The following CHI3L2 variants were observed in gnomAD, a reference collection of about 807,000 sequenced individuals.
CHI3L2 encodes chitinase-3-like protein 2.
In CHI3L2, 47 loss-of-function variants were observed where a neutral mutation model predicts 47.3. The ratio of observed to expected loss-of-function variants is 0.99; its 90% confidence interval spans 0.79 to 1.27. The LOEUF is 1.27. CHI3L2 is among the 50% of genes most tolerant of loss of function. CHI3L2 has a pLI of 0.00. For synonymous variants in CHI3L2, 198 were observed against 169.9 expected (o/e 1.17, Z -1.28); for missense variants, 497 against 462.1 (o/e 1.08, Z -0.69).
intron 7 of CHI3L2, 57 bp from the exon 8 acceptor site, chr1:111,238,693 A>T: frequency 6.4e-7 from 1 of 1,572,730 alleles, no homozygotes; most frequent in East Asian, 2.2e-5. Flanking sequence ...AGGCTAAAAA[A>T]GGTCTGACAC....
intron 7 of CHI3L2, among the ~76,000 whole-genome samples, chr1:111,238,091 A>C (rs1659935013): frequency 6.6e-6 from 1 of 152,196 alleles, no homozygotes; most frequent in African/African-American, 2.4e-5. Flanking sequence ...TATGACCTGG[A>C]AGCTGCAGCT....
chr1:111,237,614 G>C (rs1005115170), intron 7 of CHI3L2, among the ~76,000 whole-genome samples: 1 of 152,142 alleles, frequency 6.6e-6, no homozygotes, highest in African/African-American at 2.4e-5. Flanking sequence ...TTATCTTTAA[G>C]GATAAGGAGA....
intron 10 of CHI3L2, chr1:111,242,718 C>G: frequency 5.7e-6 from 1 of 176,688 alleles, no homozygotes; most frequent in Non-Finnish European, 1.2e-5. Context: ...AAATCTGACT[C>G]TATGTCCTCA....
chr1:111,241,060 G>C (rs1351924815), intron 8 of CHI3L2, among the ~76,000 whole-genome samples: 2 of 152,182 alleles, frequency 1.3e-5, no homozygotes, highest in Non-Finnish European at 2.9e-5. Context: ...GGTCGGTGCT[G>C]GGGTCTGATC....
Position 111,235,038 on chromosome 1 carries a change from A to G in CHI3L2, c.461A>G (p.His154Arg). 1 of 1,614,006 alleles carries G rather than the reference A, an allele frequency of 6.2e-7. No homozygotes were observed. Among genetic ancestry groups the G allele is most frequent in the Non-Finnish European group, 8.5e-7 (1 of 1,180,020 alleles). Residue 154 changes from histidine (H) to arginine (R), a missense_variant, in exon 5 of 11, where the codon CAT becomes CGT. Coordinates refer to ENST00000369748, the MANE Select transcript of CHI3L2 (RefSeq NM_004000.3). ...WIYPDQKENT[H>R]FTVLIHELAE... ...TACCCAGATCAGAAAGAAAACACTC[A>G]TTTCACTGTGCTGATTCATGTAAGT...
chr1:111,235,575 C>A, intron 5 of CHI3L2, 64 bp from the exon 6 acceptor site: 1 of 1,535,606 alleles, frequency 6.5e-7, no homozygotes, highest in South Asian at 1.3e-5. Flanking sequence ...AGATTCCAGG[C>A]AAGAAGCTTA....
chr1:111,242,115 A>G, intron 9 of CHI3L2, 112 bp from the exon 10 acceptor site: 2 of 1,371,286 alleles, frequency 1.5e-6, no homozygotes, highest in South Asian at 2.5e-5. Flanking sequence ...CCAGAAAACC[A>G]GTTAGTCTAC....
intron 7 of CHI3L2, among the ~76,000 whole-genome samples, chr1:111,237,599 A>G (rs945574631): frequency 1.3e-5 from 2 of 152,032 alleles, no homozygotes; most frequent in African/African-American, 2.4e-5. Flanking sequence ...CTTCCTCTCT[A>G]TCAGTTATCT....
At chr1:111,241,516 T>C (rs942694) in intron 9 of CHI3L2, 73 bp downstream of exon 9, 224,780 of 794,358 alleles carry the variant, frequency 0.28, 34,627 homozygotes, top group Non-Finnish European at 0.33. Context: ...GAATACTCTA[T>C]GTTCAAAGAG....
chr1:111,231,277 C>G lies in CHI3L2; in HGVS notation c.312C>G (p.Tyr104Ter). The change falls in exon 4 of 11, where the codon TAC becomes TAG. Residue 104 changes from tyrosine (Y) to a stop codon, truncating the protein, a stop_gained. Transcript: ENST00000369748. LOFTEE classifies it high-confidence loss of function. ...KLKILLSIGG[Y>*]LFGSKGFHPM... ...AAATTCTCTTGTCCATTGGAGGGTA[C>G]CTGTTTGGTTCCAAAGGGTAAGACT... 1 of 1,610,768 alleles carries G rather than the reference C, an allele frequency of 6.2e-7. No homozygotes were observed. The highest frequency in any genetic ancestry group is 1.1e-5 in the South Asian group (1 of 90,956).
At position 111,230,853 on chromosome 1, in the gene CHI3L2, A is replaced by C; in HGVS notation, c.182A>C (p.Tyr61Ser). 1 of 1,614,096 alleles carries C rather than the reference A, an allele frequency of 6.2e-7. No homozygotes were observed. The highest frequency in any genetic ancestry group is 8.5e-7 in the Non-Finnish European group (1 of 1,179,990). ...IDPFLCSHLI[Y>S]SFASIENNKV... ...CCCTTCCTATGCTCTCATCTCATCT[A>C]TTCATTCGCCAGCATCGAAAACAAC... Residue 61 changes from tyrosine (Y) to serine (S), a missense_variant, in exon 3 of 11, where the codon TAT (tyrosine) becomes TCT (serine). Physicochemically the swap from Tyr to Ser is moderately radical, Grantham distance 144. Coordinates refer to ENST00000369748, the MANE Select transcript of CHI3L2 (RefSeq NM_004000.3).
At chr1:111,241,495 G>A in intron 9 of CHI3L2, 52 bp downstream of exon 9, 1 of 917,388 alleles carries the variant, frequency 1.1e-6, no homozygotes, top group Non-Finnish European at 1.8e-6. Flanking sequence ...GTGATATGTA[G>A]TAAAATGCCT....
chr1:111,242,549 TA>T, intron 10 of CHI3L2, 183 bp downstream of exon 10: 1 of 461,788 alleles, frequency 2.2e-6, no homozygotes. Context: ...CATAGACTTT[TA>T]AAGTAATAAT....
intron 9 of CHI3L2, among the ~76,000 whole-genome samples, chr1:111,241,869 A>C (rs998013402): frequency 1.2e-4 from 19 of 152,204 alleles, no homozygotes; most frequent in African/African-American, 4.6e-4. Context: ...CCTTGGTAAG[A>C]CATTTGTGTT....
chr1:111,239,088 G>C (rs1277138598), intron 8 of CHI3L2, among the ~76,000 whole-genome samples, 156 bp downstream of exon 8: 4 of 152,214 alleles, frequency 2.6e-5, no homozygotes, highest in African/African-American at 9.7e-5. Context: ...TCTGGGTTGG[G>C]AGAGGGTCAG....
intron 4 of CHI3L2, among the ~76,000 whole-genome samples, chr1:111,233,698 T>C (rs12752485): frequency 7.3e-5 from 11 of 151,252 alleles, no homozygotes; most frequent in South Asian, 6.3e-4. Flanking sequence ...GTGTACCCAA[T>C]AGCTCATTGA....
chr1:111,242,305 T>G lies in CHI3L2; in HGVS notation c.1114T>G (p.Cys372Gly). The G allele has an allele frequency of 1.1e-5, 17 of 1,614,050 alleles. No homozygotes were observed. Among genetic ancestry groups the G allele is most frequent in the Non-Finnish European group, 1.4e-5 (16 of 1,179,950 alleles). ...IDMDDFTGKS[C>G]NQGPYPLVQA... ...CATGGATGACTTCACTGGCAAATCC[T>G]GCAACCAGGGCCCTTACCCTCTTGT... Residue 372 changes from cysteine (C) to glycine (G), a missense_variant, in exon 10 of 11, where the codon TGC becomes GGC. Cys to Gly is a radical substitution (Grantham distance 159). Coordinates refer to ENST00000369748, the MANE Select transcript of CHI3L2 (RefSeq NM_004000.3).
chr1:111,241,263 C>G, intron 8 of CHI3L2, 64 bp from the exon 9 acceptor site: 1 of 901,794 alleles, frequency 1.1e-6, no homozygotes, highest in Non-Finnish European at 1.9e-6. Flanking sequence ...CCTGCCCTGT[C>G]TACCCCAACC....
intron 4 of CHI3L2, 128 bp from the exon 5 acceptor site, chr1:111,234,779 A>T (rs1003845859): frequency 8.2e-5 from 70 of 849,296 alleles, no homozygotes; most frequent in Non-Finnish European, 1.2e-4. Flanking sequence ...AGGGGAAAGC[A>T]TTAGAATAGA....
Sources: allele counts gnomAD v4.1 joint callset (sites outside exome capture counted in the v4.1 genomes callset), GRCh38; gene constraint gnomAD v4.1.1; transcripts MANE v1.5; gene names NCBI Gene and HGNC (gene_info 2026-07-23, HGNC 2026-07-21).